Variants in SGCZ observed in about 807,000 individuals in gnomAD.
SGCZ encodes sarcoglycan zeta, also known as zeta-sarcoglycan.
A neutral mutation model predicts 41.3 loss-of-function variants in SGCZ; 40 were observed. The ratio of observed to expected loss-of-function variants is 0.97; its 90% confidence interval spans 0.75 to 1.26. The LOEUF (loss-of-function observed/expected upper bound fraction) is 1.26. SGCZ is among the 50% of genes most tolerant of loss of function. SGCZ has a pLI of 0.00. For missense variants in SGCZ, 552 were observed against 369.8 expected, an observed-to-expected ratio of 1.49 and a Z score of -4.04; for synonymous variants, 206 against 137.5, an observed-to-expected ratio of 1.50 and a Z score of -3.49.
intron 2 of SGCZ, among the ~76,000 whole-genome samples, chr8:14,509,875 T>G (rs1802418663): frequency 6.6e-6 from 1 of 151,976 alleles, no homozygotes; most frequent in Admixed American, 6.6e-5. Flanking sequence ...TATAAAACCA[T>G]GAGATTTCAT....
chr8:15,013,638 T>G (rs1443508071), intron 1 of SGCZ, among the ~76,000 whole-genome samples: 1 of 152,200 alleles, frequency 6.6e-6, no homozygotes, highest in Non-Finnish European at 1.5e-5. Flanking sequence ...AGACCTGGTT[T>G]CAAATTTGGA....
intron 2 of SGCZ, among the ~76,000 whole-genome samples, chr8:14,430,152 C>G (rs533571426): frequency 1.2e-4 from 12 of 97,604 alleles, no homozygotes; most frequent in African/African-American, 3.4e-4. Context: ...TGACACTATT[C>G]CCACAAGATA....
intron 1 of SGCZ, among the ~76,000 whole-genome samples, chr8:14,829,828 T>C (rs911589197): frequency 4.6e-5 from 7 of 152,282 alleles, no homozygotes; most frequent in Middle Eastern, 3.4e-3. Flanking sequence ...GTTTTTGTTT[T>C]TTGGACGGAT....
chr8:14,890,755 A>G lies in SGCZ; in HGVS notation c.40-335829T>C, dbSNP rs191250904. 1.2e-4 allele frequency among the ~76,000 whole-genome samples: 19 copies of G among 152,312 alleles called. No individual in the cohort carries two copies. The East Asian group carries it at 3.1e-3, about 25-fold the overall frequency. On this transcript the variant is annotated intron_variant, in intron 1 of 7. Coordinates refer to ENST00000382080, the MANE Select transcript of SGCZ (RefSeq NM_139167.4). ...TGCCATTTAAGACTTTCATAGCCAA[A>G]GAGGAGAGTCAATGCTTGGCCTCTA...
chr8:14,539,837 C>T (rs1428194062), intron 2 of SGCZ, among the ~76,000 whole-genome samples: 2 of 151,874 alleles, frequency 1.3e-5, no homozygotes, highest in Non-Finnish European at 2.9e-5. Context: ...GGATAATGGC[C>T]TCCAGTTCCA....
chr8:14,311,180 G>T (rs1018777768), intron 3 of SGCZ, among the ~76,000 whole-genome samples: 2 of 152,064 alleles, frequency 1.3e-5, no homozygotes, highest in East Asian at 1.9e-4. Context: ...GTTGATTCAT[G>T]CACAGTAATT....
intron 1 of SGCZ, among the ~76,000 whole-genome samples, chr8:14,865,683 A>G (rs1453489663): frequency 1.3e-5 from 2 of 152,126 alleles, no homozygotes; most frequent in Non-Finnish European, 2.9e-5. Flanking sequence ...GCATAAAGAC[A>G]ATACTTAATC....
intron 2 of SGCZ, among the ~76,000 whole-genome samples, chr8:14,485,928 G>A (rs1183529607): frequency 2.2e-5 from 3 of 136,450 alleles, no homozygotes; most frequent in Non-Finnish European, 4.6e-5. Context: ...TGCAAGCTCC[G>A]CTTCCCGGGT....
chr8:14,513,007 CT>C (rs1802510512), intron 2 of SGCZ, among the ~76,000 whole-genome samples: 1 of 152,078 alleles, frequency 6.6e-6, no homozygotes, highest in African/African-American at 2.4e-5. Context: ...TGCGGGAAAG[CT>C]GATAAAGTTC....
At chr8:14,634,483 G>C (rs932977481) in intron 1 of SGCZ, among the ~76,000 whole-genome samples, 2 of 151,774 alleles carry the variant, frequency 1.3e-5, no homozygotes, top group African/African-American at 4.8e-5. Flanking sequence ...AGTGTACCAA[G>C]TTATTGCAGA....
chr8:14,143,825 C>T (rs182624967), intron 5 of SGCZ, among the ~76,000 whole-genome samples: 3 of 152,262 alleles, frequency 2.0e-5, no homozygotes, highest in East Asian at 3.9e-4. Context: ...AGGAGAATGA[C>T]TCTCAGTGCT....
At chr8:14,297,890 T>G (rs1011118042) in intron 3 of SGCZ, among the ~76,000 whole-genome samples, 2 of 152,046 alleles carry the variant, frequency 1.3e-5, no homozygotes, top group Non-Finnish European at 2.9e-5. Context: ...CCACTCATTT[T>G]AGGAGGGAGA....
intron 1 of SGCZ, among the ~76,000 whole-genome samples, chr8:14,931,620 G>C (rs1332255668): frequency 6.6e-6 from 1 of 151,960 alleles, no homozygotes; most frequent in African/African-American, 2.4e-5. Context: ...GAGCCATTTA[G>C]ATAATTTTCA....
At chr8:15,023,223 A>G (rs1803321390) in intron 1 of SGCZ, among the ~76,000 whole-genome samples, 1 of 152,198 alleles carries the variant, frequency 6.6e-6, no homozygotes. Context: ...AAGTCAATCA[A>G]GTTCATGACT....
intron 1 of SGCZ, among the ~76,000 whole-genome samples, chr8:14,776,599 T>C (rs1031666982): frequency 6.8e-6 from 1 of 147,196 alleles, no homozygotes; most frequent in South Asian, 2.2e-4. Flanking sequence ...GTTCAGGCCA[T>C]TCTCCTGTCT....
At chr8:14,504,138 T>C (rs937310462) in intron 2 of SGCZ, among the ~76,000 whole-genome samples, 9 of 152,322 alleles carry the variant, frequency 5.9e-5, no homozygotes, top group Non-Finnish European at 1.2e-4. Context: ...CAAATTATGG[T>C]AAACAATGTT....
intron 1 of SGCZ, among the ~76,000 whole-genome samples, chr8:15,221,065 G>C (rs1315892362): frequency 2.0e-5 from 3 of 151,990 alleles, no homozygotes; most frequent in Non-Finnish European, 4.4e-5. Context: ...CTAATGTAAA[G>C]GACAAGTTAA....
At chr8:14,280,489 ATAAT>A (rs1800385542) in intron 3 of SGCZ, among the ~76,000 whole-genome samples, 1 of 151,906 alleles carries the variant, frequency 6.6e-6, no homozygotes, top group Non-Finnish European at 1.5e-5. Flanking sequence ...ATATAATTTT[ATAAT>A]TAATCTTATA....
chr8:14,337,305 G>C (rs1294575825), intron 2 of SGCZ, among the ~76,000 whole-genome samples: 1 of 152,106 alleles, frequency 6.6e-6, no homozygotes, highest in Non-Finnish European at 1.5e-5. Flanking sequence ...TGTATGAGTT[G>C]GCCCTGATAA....
Sources: gnomAD v4.1 joint callset for allele counts (sites outside exome capture counted in the v4.1 genomes callset) on GRCh38, gnomAD v4.1.1 for gene constraint, MANE v1.5 for transcripts, NCBI Gene and HGNC (gene_info 2026-07-23, HGNC 2026-07-21) for gene names.